CDYL2: variants seen among roughly 807,000 people sequenced by gnomAD.
The protein encoded by CDYL2 is chromodomain Y like 2.
Under a neutral mutation model 49.4 loss-of-function variants are expected in CDYL2, and 23 were observed. That is an observed-to-expected ratio of 0.47 (90% CI 0.34 to 0.66). CDYL2 has a LOEUF of 0.66. Among genes scored for constraint, CDYL2 ranks in the 30% least tolerant of loss-of-function variants. CDYL2 has a pLI of 0.01. For synonymous variants in CDYL2, 360 were observed against 268.8 expected (o/e 1.34, Z -3.32); for missense variants, 678 against 656.4 (o/e 1.03, Z -0.36).
chr16:80,672,691 G>A (rs1003138929), intron 2 of CDYL2, among the ~76,000 whole-genome samples: 10 of 152,164 alleles, frequency 6.6e-5, no homozygotes, highest in Admixed American at 6.5e-4. Context: ...CAGGCCAGCT[G>A]CCTAACTAAC....
At chr16:80,709,713 C>G (rs1429050368) in intron 1 of CDYL2, among the ~76,000 whole-genome samples, 1 of 152,144 alleles carries the variant, frequency 6.6e-6, no homozygotes, top group Non-Finnish European at 1.5e-5. Flanking sequence ...TAGCCCTTCT[C>G]ACATCTACTT....
At chr16:80,780,180 C>T (rs1445726066) in intron 1 of CDYL2, among the ~76,000 whole-genome samples, 2 of 151,944 alleles carry the variant, frequency 1.3e-5, no homozygotes, top group East Asian at 3.9e-4. Flanking sequence ...CTGATATTAC[C>T]ATTCTACAAA....
chr16:80,748,119 A>AT (rs1905995416), intron 1 of CDYL2, among the ~76,000 whole-genome samples: 1 of 118,080 alleles, frequency 8.5e-6, no homozygotes, highest in Admixed American at 9.6e-5. Flanking sequence ...TTCTGGGAAG[A>AT]TTAAATAATA....
At chr16:80,756,288 A>G (rs948437223) in intron 1 of CDYL2, among the ~76,000 whole-genome samples, 1 of 152,146 alleles carries the variant, frequency 6.6e-6, no homozygotes, top group Non-Finnish European at 1.5e-5. Context: ...ACCTTACCCA[A>G]AACAAATTCT....
chr16:80,620,459 C>A (rs1391165801), intron 4 of CDYL2, among the ~76,000 whole-genome samples: 1 of 152,128 alleles, frequency 6.6e-6, no homozygotes, highest in Non-Finnish European at 1.5e-5. Flanking sequence ...GCCTTGATAG[C>A]AAATAAAAAA....
At chr16:80,677,345 T>G (rs1171408172) in intron 2 of CDYL2, among the ~76,000 whole-genome samples, 1 of 152,202 alleles carries the variant, frequency 6.6e-6, no homozygotes, top group Non-Finnish European at 1.5e-5. Context: ...GTTGTATTTC[T>G]CTATGGAAGT....
chr16:80,725,185 T>C lies in CDYL2; in HGVS notation c.25-40056A>G, dbSNP rs532103778. ...CCTGTGCAACACATACACATACACATACACATACACATACACACACACATA... is the reference window on the plus strand; with the variant it reads ...CCTGTGCAACACATACACATACACACACACATACACATACACACACACATA... On this transcript the variant is annotated intron_variant, in intron 1 of 6. Coordinates refer to ENST00000570137, the MANE Select transcript of CDYL2 (RefSeq NM_152342.4). 1.0e-3 allele frequency among the ~76,000 whole-genome samples: 159 copies of C among 151,888 alleles called. 1 individual carries two copies. Among genetic ancestry groups the C allele is most frequent in the African/African-American group, 3.6e-3 (151 of 41,438 alleles).
chr16:80,621,301 C>A (rs1019746348), intron 3 of CDYL2, among the ~76,000 whole-genome samples: 1 of 152,198 alleles, frequency 6.6e-6, no homozygotes, highest in Non-Finnish European at 1.5e-5. Context: ...GGAAAAAATC[C>A]ATGCACAGCC....
chr16:80,728,358 T>C lies in CDYL2; in HGVS notation c.25-43229A>G, dbSNP rs113036846. Reference sequence around the variant, plus strand: ...AAGAAAGGGTATCAGTGATGGAAGATGAAATGAATGAAATGAAGCGAGAAG... The same window carrying C: ...AAGAAAGGGTATCAGTGATGGAAGACGAAATGAATGAAATGAAGCGAGAAG... On this transcript the variant is annotated intron_variant, in intron 1 of 6. Coordinates refer to ENST00000570137, the MANE Select transcript of CDYL2 (RefSeq NM_152342.4). 2.6e-5 allele frequency among the ~76,000 whole-genome samples: 4 copies of C among 151,838 alleles called. No homozygotes were observed. In the South Asian group the frequency reaches 6.3e-4, roughly 24 times the overall value.
At chr16:80,633,715 G>GA (rs1907680792) in intron 2 of CDYL2, among the ~76,000 whole-genome samples, 1 of 149,558 alleles carries the variant, frequency 6.7e-6, no homozygotes, top group South Asian at 2.2e-4. Context: ...GGGGCTCTGG[G>GA]ACCCCCCTAG....
chr16:80,792,319 G>A (rs999886704), intron 1 of CDYL2, among the ~76,000 whole-genome samples: 1 of 152,138 alleles, frequency 6.6e-6, no homozygotes. Flanking sequence ...TAAGGAACAG[G>A]CAGCAGGAGA....
At chr16:80,667,876 C>A (rs1281340734) in intron 2 of CDYL2, among the ~76,000 whole-genome samples, 1 of 152,204 alleles carries the variant, frequency 6.6e-6, no homozygotes, top group African/African-American at 2.4e-5. Flanking sequence ...GAATCTGGCC[C>A]ACAGAGGCTG....
intron 3 of CDYL2, among the ~76,000 whole-genome samples, chr16:80,627,017 CTACTT>C (rs1907334846): frequency 6.6e-6 from 1 of 152,070 alleles, no homozygotes; most frequent in Non-Finnish European, 1.5e-5. Flanking sequence ...TTACTTTCTC[CTACTT>C]TATACTGTTG....
chr16:80,659,254 T>C (rs1488987216), intron 2 of CDYL2, among the ~76,000 whole-genome samples: 1 of 152,218 alleles, frequency 6.6e-6, no homozygotes, highest in African/African-American at 2.4e-5. Flanking sequence ...AATGTCAGCG[T>C]CATTAAAAAC....
At chr16:80,693,347 A>C (rs981311443) in intron 1 of CDYL2, among the ~76,000 whole-genome samples, 1 of 152,222 alleles carries the variant, frequency 6.6e-6, no homozygotes. Flanking sequence ...GGAAATATGC[A>C]TTTCAAATCA....
chr16:80,677,631 CG>C, intron 2 of CDYL2, among the ~76,000 whole-genome samples: 1 of 151,852 alleles, frequency 6.6e-6, no homozygotes, highest in South Asian at 2.1e-4. Flanking sequence ...CCCAGCTACT[CG>C]GGAGGCTGAG....
intron 1 of CDYL2, among the ~76,000 whole-genome samples, chr16:80,708,710 T>A (rs1157434524): frequency 6.6e-6 from 1 of 152,172 alleles, no homozygotes; most frequent in Non-Finnish European, 1.5e-5. Context: ...GTAGTCAAAT[T>A]TCCTTTTAAA....
At chr16:80,736,123 G>C (rs1204773586) in intron 1 of CDYL2, among the ~76,000 whole-genome samples, 5 of 152,238 alleles carry the variant, frequency 3.3e-5, no homozygotes, top group Admixed American at 2.6e-4. Flanking sequence ...ACAGGCCCAA[G>C]GCCACTGTGT....
chr16:80,758,008 T>C (rs1306652510), intron 1 of CDYL2, among the ~76,000 whole-genome samples: 1 of 152,050 alleles, frequency 6.6e-6, no homozygotes, highest in African/African-American at 2.4e-5. Context: ...GGCTTTACTA[T>C]AAATAAATAA....
Sources: allele counts gnomAD v4.1 joint callset (sites outside exome capture counted in the v4.1 genomes callset), GRCh38; gene constraint gnomAD v4.1.1; transcripts MANE v1.5; gene names NCBI Gene and HGNC (gene_info 2026-07-23, HGNC 2026-07-21).